Variants in KCNMB3 observed in about 807,000 individuals in gnomAD.
KCNMB3 encodes the protein potassium calcium-activated channel subfamily M regulatory beta subunit 3, also known as calcium-activated potassium channel subunit beta-3.
Under a neutral mutation model 11.9 loss-of-function variants are expected in KCNMB3, and 18 were observed. The ratio of observed to expected loss-of-function variants is 1.51; its 90% CI spans 1.04 to 2.23. The LOEUF (loss-of-function observed/expected upper bound fraction) is 2.23. Among genes scored for constraint, KCNMB3 ranks in the 30% most tolerant of loss-of-function variants. KCNMB3 has a pLI of 0.00. For missense variants in KCNMB3, 247 were observed against 329.4 expected (o/e 0.75, Z 1.94); for synonymous variants, 78 against 119.2 (o/e 0.65, Z 2.25).
chr3:179,258,886 CAGT>C (rs1454649167), intron 1 of KCNMB3: 4 of 1,591,316 alleles, frequency 2.5e-6, no homozygotes, highest in African/African-American at 2.7e-5. Context: ...TAACTTAAAG[CAGT>C]AGATCACCTG....
intron 1 of KCNMB3, among the ~76,000 whole-genome samples, chr3:179,250,513 T>A (rs910522147): frequency 1.1e-4 from 17 of 152,180 alleles, no homozygotes; most frequent in Admixed American, 1.3e-4. Context: ...ATATAGATTA[T>A]GAGATGGGAG....
chr3:179,242,291 A>C (rs572106678), downstream of KCNMB3: 1 of 152,268 alleles, frequency 6.6e-6, no homozygotes, highest in Non-Finnish European at 1.5e-5. Flanking sequence ...GCTACTTAGG[A>C]AGCTGAAGCA....
upstream of KCNMB3, among the ~76,000 whole-genome samples, chr3:179,253,805 CA>C (rs935033563): frequency 1.4e-4 from 20 of 143,950 alleles, no homozygotes; most frequent in African/African-American, 2.8e-4. Flanking sequence ...GACTCCATCT[CA>C]AAAAAAAAAG....
chr3:179,259,096 A>G (rs992628383), intron 1 of KCNMB3: 27 of 1,598,326 alleles, frequency 1.7e-5, no homozygotes, highest in Non-Finnish European at 2.3e-5. Flanking sequence ...TCTGGATTGA[A>G]GTCCCCCGGC....
intron 1 of KCNMB3, chr3:179,261,098 T>C (rs1576964269): frequency 8.3e-7 from 1 of 1,198,254 alleles, no homozygotes; most frequent in East Asian, 2.4e-5. Context: ...CTCAGTAAAA[T>C]ATTTTTCTGG....
upstream of KCNMB3, among the ~76,000 whole-genome samples, chr3:179,253,982 A>G (rs947128827): frequency 6.6e-6 from 1 of 152,218 alleles, no homozygotes; most frequent in Non-Finnish European, 1.5e-5. Context: ...GGAAATACTC[A>G]AAAGACAAAA....
intron 1 of KCNMB3, chr3:179,261,045 C>G: frequency 9.8e-7 from 1 of 1,021,820 alleles, no homozygotes; most frequent in Non-Finnish European, 1.6e-6. Context: ...CCCAGAAAGG[C>G]CAGCGTGGCT....
intron 1 of KCNMB3, among the ~76,000 whole-genome samples, chr3:179,257,178 C>T (rs1370101761): frequency 2.0e-5 from 3 of 152,130 alleles, no homozygotes; most frequent in Non-Finnish European, 4.4e-5. Context: ...AACTGTTTTT[C>T]AAATATAAAG....
chr3:179,245,852 T>C (rs1353050701), intron 1 of KCNMB3, among the ~76,000 whole-genome samples: 3 of 152,284 alleles, frequency 2.0e-5, no homozygotes, highest in Non-Finnish European at 1.5e-5. Context: ...GTAATACATA[T>C]GCAAAACATC....
intron 1 of KCNMB3, among the ~76,000 whole-genome samples, chr3:179,265,540 T>A (rs1252592529): frequency 2.6e-5 from 4 of 152,158 alleles, no homozygotes; most frequent in African/African-American, 9.7e-5. Context: ...CACTGCAACC[T>A]CCTCCTCCCA....
chr3:179,245,523 G>C (rs1032510195), intron 1 of KCNMB3, among the ~76,000 whole-genome samples: 4 of 151,076 alleles, frequency 2.6e-5, no homozygotes, highest in African/African-American at 4.9e-5. Context: ...TTGGGGGGGG[G>C]GATGGAGTTT....
intron 2 of KCNMB3, among the ~76,000 whole-genome samples, chr3:179,243,633 C>A (rs1725537760): frequency 6.6e-6 from 1 of 152,190 alleles, no homozygotes; most frequent in Non-Finnish European, 1.5e-5. Context: ...TGTATTGGGC[C>A]TCACTATGAG....
chr3:179,244,881 G>A (rs868853178), intron 1 of KCNMB3, among the ~76,000 whole-genome samples, 188 bp from the exon 2 acceptor site: 1 of 152,120 alleles, frequency 6.6e-6, no homozygotes, highest in Non-Finnish European at 1.5e-5. Flanking sequence ...ACACAGAGTT[G>A]GGGTAAAGAG....
In KCNMB3 at chr3:179,243,231, A is replaced by G; in HGVS notation, c.501T>C (p.Ala167=). The change falls in exon 3 of 3, where the codon GCT becomes GCC. Residue 167 remains alanine (A), a synonymous_variant. Coordinates refer to ENST00000392685, the MANE Select transcript of KCNMB3 (RefSeq NM_171830.2). ...HQDRNDLLNS[A]LDIKEFFDHK... ...GATCGAAGAATTCTTTTATGTCCAG[A>G]GCACTGTTGAGCAAATCATTTCTAT... 1 of 1,319,206 alleles carries G rather than the reference A, an allele frequency of 7.6e-7. No individual in the cohort carries two copies. The highest frequency in any genetic ancestry group is 1.1e-6 in the Non-Finnish European group (1 of 930,188). The allele number at this position is 1,319,206 out of a possible 1,614,324, so 81.7% of individuals were successfully genotyped here. A position where few individuals can be genotyped will look rare whatever the true frequency, so the allele number is the denominator to read the frequency against.
intron 1 of KCNMB3, chr3:179,266,573 C>T: frequency 1.9e-6 from 3 of 1,554,552 alleles, no homozygotes; most frequent in South Asian, 2.3e-5. Context: ...TCCCCAAGCT[C>T]GAGATGTCCC....
chr3:179,244,191 A>T (rs1277795883), intron 2 of KCNMB3, among the ~76,000 whole-genome samples: 1 of 152,210 alleles, frequency 6.6e-6, no homozygotes, highest in Non-Finnish European at 1.5e-5. Flanking sequence ...ACTGTAGCAT[A>T]TGTCATATGG....
At chr3:179,259,746 T>C (rs1293673830) in intron 1 of KCNMB3, 154 of 1,598,422 alleles carry the variant, frequency 9.6e-5, no homozygotes, top group Non-Finnish European at 1.2e-4. Context: ...CTTTCTCTTC[T>C]GCAATGAGTC....
chr3:179,265,923 A>G (rs1726359855), intron 1 of KCNMB3, among the ~76,000 whole-genome samples: 1 of 152,116 alleles, frequency 6.6e-6, no homozygotes, highest in Non-Finnish European at 1.5e-5. Context: ...TGGGGAGAAA[A>G]CGGGTCCTGA....
upstream of KCNMB3, chr3:179,251,190 G>A: frequency 1.9e-6 from 3 of 1,599,604 alleles, no homozygotes; most frequent in South Asian, 1.1e-5. Context: ...ATGCAAGTCT[G>A]TAGAGATCTG....
Sources: allele counts gnomAD v4.1 joint callset (sites outside exome capture counted in the v4.1 genomes callset), GRCh38; gene constraint gnomAD v4.1.1; transcripts MANE v1.5; gene names NCBI Gene and HGNC (gene_info 2026-07-23, HGNC 2026-07-21).